The following SCTR variants were observed in gnomAD, a reference collection of about 807,000 sequenced individuals.
The protein encoded by SCTR is pancreatic secretin receptor.
A neutral mutation model predicts 60.8 loss-of-function variants in SCTR; 56 were observed. That is an observed-to-expected ratio of 0.92 (90% CI 0.74 to 1.15). The LOEUF (loss-of-function observed/expected upper bound fraction) is 1.15. Among genes scored for constraint, SCTR ranks in the 50% most tolerant of loss-of-function variants. The pLI is 0.00. For missense variants in SCTR, 562 were observed against 550.4 expected (o/e 1.02, Z -0.21); for synonymous variants, 202 against 217.0 (o/e 0.93, Z 0.61).
chr2:119,449,348 A>G (rs1683056138), intron 9 of SCTR, among the ~76,000 whole-genome samples: 1 of 152,184 alleles, frequency 6.6e-6, no homozygotes, highest in South Asian at 2.1e-4. Flanking sequence ...GCCACCCTTG[A>G]TTACTTCCCT....
chr2:119,502,487 G>A (rs1327690144), intron 1 of SCTR, among the ~76,000 whole-genome samples: 2 of 152,070 alleles, frequency 1.3e-5, no homozygotes, highest in Non-Finnish European at 1.5e-5. Flanking sequence ...CAAAATCCCA[G>A]CAAGTGTTTT....
chr2:119,492,597 A>G (rs998771125), intron 2 of SCTR, among the ~76,000 whole-genome samples: 3 of 152,174 alleles, frequency 2.0e-5, no homozygotes, highest in Non-Finnish European at 2.9e-5. Flanking sequence ...AAAGTGTACA[A>G]TTTAGTGGTT....
intron 1 of SCTR, among the ~76,000 whole-genome samples, chr2:119,523,769 T>C (rs919354730): frequency 3.3e-5 from 5 of 152,070 alleles, no homozygotes; most frequent in East Asian, 1.9e-4. Flanking sequence ...ACGGTGATAA[T>C]AGCAGCCTCG....
intron 7 of SCTR, among the ~76,000 whole-genome samples, chr2:119,460,559 T>C (rs570384353): frequency 6.6e-6 from 1 of 152,208 alleles, no homozygotes; most frequent in South Asian, 2.1e-4. Context: ...TTGTTTACCA[T>C]GTGAGTTGGT....
At chr2:119,523,384 T>C (rs569596244) in intron 1 of SCTR, among the ~76,000 whole-genome samples, 2 of 147,096 alleles carry the variant, frequency 1.4e-5, no homozygotes, top group African/African-American at 2.5e-5. Flanking sequence ...AAACCACCCA[T>C]CCTGCCGCTA....
At chr2:119,444,162 TACACATATGTATATATACATATGA>T (rs1371191268) in intron 11 of SCTR, among the ~76,000 whole-genome samples, 107 of 142,178 alleles carry the variant, frequency 7.5e-4, no homozygotes, top group African/African-American at 2.9e-3. Flanking sequence ...TATATATATA[TACACATATGTATATATACATATGA>T]ATATATACAC....
At chr2:119,471,161 G>A (rs1397737129) in intron 4 of SCTR, among the ~76,000 whole-genome samples, 2 of 152,136 alleles carry the variant, frequency 1.3e-5, no homozygotes, top group East Asian at 1.9e-4. Context: ...TTCCAGTTAC[G>A]CAAGCCACAT....
At chr2:119,523,957 G>T (rs1406416446) in intron 1 of SCTR, among the ~76,000 whole-genome samples, 198 bp downstream of exon 1, 3 of 152,148 alleles carry the variant, frequency 2.0e-5, no homozygotes, top group African/African-American at 7.2e-5. Flanking sequence ...TGGCGCGCAC[G>T]ATGTTTTTCT....
chr2:119,453,147 G>A, intron 8 of SCTR, 140 bp downstream of exon 8: 1 of 671,810 alleles, frequency 1.5e-6, no homozygotes, highest in Non-Finnish European at 2.6e-6. Context: ...GAAGCAGTGA[G>A]CATCAGTCCA....
intron 1 of SCTR, among the ~76,000 whole-genome samples, chr2:119,519,810 C>CAAAAAAAAAAAAAAAAAGAAAAA (rs1291806559): frequency 1.7e-5 from 1 of 58,294 alleles, no homozygotes; most frequent in Non-Finnish European, 3.3e-5. Flanking sequence ...GACTCTGTCT[C>CAAAAAAAAAAAAAAAAAGAAAAA]AAAAAAAAAA....
intron 2 of SCTR, among the ~76,000 whole-genome samples, chr2:119,482,682 C>A (rs1677679644): frequency 2.0e-5 from 3 of 152,206 alleles, no homozygotes; most frequent in Admixed American, 6.5e-5. Flanking sequence ...GCTGTGGACG[C>A]TGCTGGCTGG....
At chr2:119,514,226 A>T (rs1336396323) in intron 1 of SCTR, among the ~76,000 whole-genome samples, 1 of 152,170 alleles carries the variant, frequency 6.6e-6, no homozygotes, top group Non-Finnish European at 1.5e-5. Context: ...GAACCCTTTC[A>T]TGTCTAGGCT....
chr2:119,519,633 CA>C (rs1393879753), intron 1 of SCTR, among the ~76,000 whole-genome samples: 1 of 151,496 alleles, frequency 6.6e-6, no homozygotes, highest in East Asian at 2.0e-4. Flanking sequence ...GGTGAAACCC[CA>C]TCTCTACTAA....
intron 1 of SCTR, among the ~76,000 whole-genome samples, chr2:119,512,361 TTCTC>T (rs1678982853): frequency 1.5e-5 from 2 of 132,296 alleles, no homozygotes; most frequent in Non-Finnish European, 3.1e-5. Flanking sequence ...CTCCTTCTCC[TTCTC>T]CTTCTCCTTC....
At chr2:119,465,318 A>AC (rs1361500165) in intron 5 of SCTR, among the ~76,000 whole-genome samples, 2 of 152,188 alleles carry the variant, frequency 1.3e-5, no homozygotes, top group African/African-American at 4.8e-5. Context: ...GATGAGGCCA[A>AC]CCCAGAGCAG....
chr2:119,502,178 T>C (rs1678576112), intron 1 of SCTR, among the ~76,000 whole-genome samples: 1 of 152,048 alleles, frequency 6.6e-6, no homozygotes, highest in African/African-American at 2.4e-5. Flanking sequence ...CTTAAGCCCA[T>C]GAGGTTGAGG....
At chr2:119,453,837 G>T (rs574281884) in intron 7 of SCTR, among the ~76,000 whole-genome samples, 1 of 152,280 alleles carries the variant, frequency 6.6e-6, no homozygotes, top group East Asian at 1.9e-4. Flanking sequence ...TAACAGCTAA[G>T]GTAAGCCATC....
intron 9 of SCTR, among the ~76,000 whole-genome samples, chr2:119,450,822 CGTG>C (rs1683134896): frequency 6.6e-6 from 1 of 151,984 alleles, no homozygotes; most frequent in Non-Finnish European, 1.5e-5. Flanking sequence ...ATTAGCTAGG[CGTG>C]GTGGTGGGAG....
rs868602099 is a variant in SCTR, at chr2:119,448,554, G to C, written c.1013+135C>G. On this transcript the variant is annotated intron_variant, in intron 10 of 12. Coordinates refer to ENST00000019103, the MANE Select transcript of SCTR (RefSeq NM_002980.3). ...GACCATTCCCCGCAACCGCCCCCATGTACCTGGTAAACTTCTTACGACTAG... is the reference window on the plus strand; with the variant it reads ...GACCATTCCCCGCAACCGCCCCCATCTACCTGGTAAACTTCTTACGACTAG... The C allele has an allele frequency of 3.2e-4, 200 of 633,532 alleles. 1 individual carries two copies. The Middle Eastern group carries it at 0.013, about 40-fold the overall frequency. 39.2% of individuals were successfully genotyped at this position (633,532 alleles called of 1,614,324 possible).
Sources: gnomAD v4.1 joint callset for allele counts (sites outside exome capture counted in the v4.1 genomes callset) on GRCh38, gnomAD v4.1.1 for gene constraint, MANE v1.5 for transcripts, NCBI Gene and HGNC (gene_info 2026-07-23, HGNC 2026-07-21) for gene names.